Variants in KCNK12 observed in about 807,000 individuals in gnomAD.
KCNK12 encodes the protein potassium two pore domain channel subfamily K member 12, also known as potassium channel subfamily K member 12.
Under a neutral mutation model 25.3 loss-of-function variants are expected in KCNK12, and 6 were observed. The observed-to-expected ratio is 0.24, with a 90% CI of 0.13 to 0.47. The LOEUF (loss-of-function observed/expected upper bound fraction) is 0.47. Among genes scored for constraint, KCNK12 ranks in the 20% least tolerant of loss-of-function variants. KCNK12 has a pLI of 0.99. For missense variants in KCNK12, 444 were observed against 661.7 expected (o/e 0.67, Z 3.61); for synonymous variants, 331 against 311.1 (o/e 1.06, Z -0.67).
chr2:47,547,473 C>G lies in KCNK12; in HGVS notation c.391+22468G>C, dbSNP rs1426257547. Reference sequence around the variant, plus strand: ...TTTCTTTTTGCGTCTGGGTCTGGCTCTATTGCCCAGGCTGGAGTGCAATGG... The same window carrying G: ...TTTCTTTTTGCGTCTGGGTCTGGCTGTATTGCCCAGGCTGGAGTGCAATGG... On this transcript the variant is annotated intron_variant, in intron 1 of 1. Transcript: ENST00000327876. The surrounding 1 kb of genome is among the most constrained non-coding windows in gnomAD (Gnocchi z 5.0). Among the ~76,000 whole-genome samples, 1 of 152,194 alleles carries G rather than the reference C, an allele frequency of 6.6e-6. No individual in the cohort carries two copies. The highest frequency in any genetic ancestry group is 1.5e-5 in the Non-Finnish European group (1 of 68,028).
At chr2:47,526,814 A>G (rs1289478205) in intron 1 of KCNK12, among the ~76,000 whole-genome samples, 1 of 152,242 alleles carries the variant, frequency 6.6e-6, no homozygotes, top group African/African-American at 2.4e-5. Context: ...ATGTTAAGGA[A>G]TCTAAAAGGG....
Position 47,515,623 on chromosome 2 carries a change from T to TG in KCNK12, c.*5283dup, listed in dbSNP as rs891943852. ...TTCTGAGTGGTCATGCTCAACAGGG[T>TG]GGGGAGCCCAGGGGAGTGGGGAGTG... On this transcript the variant is annotated 3_prime_UTR_variant, in exon 2 of 2. Transcript: ENST00000327876. Among the ~76,000 whole-genome samples, 10 of 151,802 alleles carry TG rather than the reference T, an allele frequency of 6.6e-5. No homozygotes were observed. The highest frequency in any genetic ancestry group is 2.4e-4 in the African/African-American group (10 of 41,284).
chr2:47,557,147 C>T lies in KCNK12; in HGVS notation c.391+12794G>A, dbSNP rs989428596. ...GTTTGAATGTCTCCTCCAAAACTTA[C>T]GTTGAAATCCAATGGCTATTGTAAG... On this transcript the variant is annotated intron_variant, in intron 1 of 1. Transcript: ENST00000327876. The surrounding 1 kb of genome is among the most constrained non-coding windows in gnomAD (Gnocchi z 4.9). 1.3e-5 allele frequency among the ~76,000 whole-genome samples: 2 copies of T among 152,176 alleles called. No homozygotes were observed. Among genetic ancestry groups the T allele is most frequent in the Non-Finnish European group, 2.9e-5 (2 of 68,036 alleles).
chr2:47,559,345 C>G (rs1003254948), intron 1 of KCNK12, among the ~76,000 whole-genome samples: 1 of 152,196 alleles, frequency 6.6e-6, no homozygotes, highest in Non-Finnish European at 1.5e-5. Context: ...GGGAGCCCAG[C>G]AGGGAGGCCC....
chr2:47,545,432 G>A (rs1381201536), intron 1 of KCNK12, among the ~76,000 whole-genome samples: 5 of 152,342 alleles, frequency 3.3e-5, no homozygotes, highest in Non-Finnish European at 1.5e-5. Flanking sequence ...AAACCAGGGA[G>A]GCTGCTGTCA....
rs142075196 is a variant in KCNK12, at chr2:47,557,356, A to G, written c.391+12585T>C. On this transcript the variant is annotated intron_variant, in intron 1 of 1. Coordinates refer to ENST00000327876, the MANE Select transcript of KCNK12 (RefSeq NM_022055.2). The surrounding 1 kb of genome is among the most constrained non-coding windows in gnomAD (Gnocchi z 4.9). Reference sequence around the variant, plus strand: ...CCATGTGATGCCTTCCACATGGATGACTCTTGCCAGATGCCAGAGCCCTCT... The same window carrying G: ...CCATGTGATGCCTTCCACATGGATGGCTCTTGCCAGATGCCAGAGCCCTCT... Among the ~76,000 whole-genome samples, 205 of 151,614 alleles carry G rather than the reference A, an allele frequency of 1.4e-3. 2 individuals are homozygous for G. The highest frequency in any genetic ancestry group is 4.6e-3 in the African/African-American group (189 of 41,260).
chr2:47,526,377 G>C (rs1231686336), intron 1 of KCNK12, among the ~76,000 whole-genome samples: 1 of 147,072 alleles, frequency 6.8e-6, no homozygotes, highest in African/African-American at 2.5e-5. Context: ...CTGCACTCCA[G>C]CCTGGGCAAC....
In KCNK12 at chr2:47,520,892, G is replaced by C; in HGVS notation, c.*15C>G. 8.1e-7 allele frequency: 1 copy of C among 1,240,788 alleles called. No individual in the cohort carries two copies. The highest frequency in any genetic ancestry group is 1.0e-6 in the Non-Finnish European group (1 of 992,090). 76.9% of individuals were successfully genotyped at this position (1,240,788 alleles called of 1,614,324 possible). ...GCGGCCTGGAGAGGGTCCCCGGCGC[G>C]GGCGGACGGGCGGTCTACCTGGAGG... is the stretch of plus-strand genomic sequence containing the variant. On this transcript the variant is annotated 3_prime_UTR_variant, in exon 2 of 2. Transcript: ENST00000327876. This position sits in a 1 kb window ranked among gnomAD's most constrained non-coding sequence, Gnocchi z 5.0.
At position 47,570,453 on chromosome 2, in the gene KCNK12, CCGCCTTCGCAGAGCCCCTCGT is replaced by C. The variant is rs965325613; in HGVS notation, c.-143_-123del. The C allele has an allele frequency of 3.4e-5, 36 of 1,046,534 alleles. No individual in the cohort carries two copies. The highest frequency in any genetic ancestry group is 4.1e-5 in the Non-Finnish European group (34 of 831,546). 64.8% of individuals were successfully genotyped at this position (1,046,534 alleles called of 1,614,324 possible). ...TCCGGGGCCGCCGCGGAGCCCCTCG[CCGCCTTCGCAGAGCCCCTCGT>C]CGCCTTCCCAGAGCCCGGACAGAGG... On this transcript the variant is annotated 5_prime_UTR_variant, in exon 1 of 2. Coordinates refer to ENST00000327876, the MANE Select transcript of KCNK12 (RefSeq NM_022055.2).
Position 47,540,232 on chromosome 2 carries a change from G to T in KCNK12, c.392-18424C>A, listed in dbSNP as rs925022377. ...TCTTGGAGAAGATACAAGCAATGGTGCTGAAGTTTCACAACAGTGTCAACC... is the reference window on the plus strand; with the variant it reads ...TCTTGGAGAAGATACAAGCAATGGTTCTGAAGTTTCACAACAGTGTCAACC... On this transcript the variant is annotated intron_variant, in intron 1 of 1. Coordinates refer to ENST00000327876, the MANE Select transcript of KCNK12 (RefSeq NM_022055.2). The surrounding 1 kb of genome is among the most constrained non-coding windows in gnomAD (Gnocchi z 5.4). 1.3e-5 allele frequency among the ~76,000 whole-genome samples: 2 copies of T among 152,220 alleles called. No homozygotes were observed. The highest frequency in any genetic ancestry group is 4.8e-5 in the African/African-American group (2 of 41,460).
intron 1 of KCNK12, among the ~76,000 whole-genome samples, chr2:47,568,865 G>A (rs957729157): frequency 2.0e-4 from 31 of 152,336 alleles, no homozygotes; most frequent in African/African-American, 7.0e-4. Flanking sequence ...GACACACACA[G>A]CCTTGTCAAG....
Position 47,529,232 on chromosome 2 carries a change from G to A in KCNK12, c.392-7424C>T, listed in dbSNP as rs965238273. 3.9e-5 allele frequency: 6 copies of A among 152,146 alleles called. No individual in the cohort carries two copies. Among genetic ancestry groups the A allele is most frequent in the African/African-American group, 1.4e-4 (6 of 41,422 alleles). The allele number at this position is 152,146 out of a possible 1,614,324, so 9.4% of individuals were successfully genotyped here. A position where few individuals can be genotyped will look rare whatever the true frequency, so the allele number is the denominator to read the frequency against. On this transcript the variant is annotated intron_variant, in intron 1 of 1. Coordinates refer to ENST00000327876, the MANE Select transcript of KCNK12 (RefSeq NM_022055.2). This position sits in a 1 kb window ranked among gnomAD's most constrained non-coding sequence, Gnocchi z 4.3. ...ACCCCAGGACAGCATGTATAAACCA[G>A]GGCTGTTCCAAGCAACTGGGACACA...
rs7594890 is a variant in KCNK12 at position 47,569,088 on chromosome 2, G to A, written c.391+853C>T. Among the ~76,000 whole-genome samples the A allele has an allele frequency of 0.54, 82,046 of 151,744 alleles. 22,831 individuals carry two copies. Among genetic ancestry groups the A allele is most frequent in the East Asian group, 0.72 (3,729 of 5,154 alleles). On this transcript the variant is annotated intron_variant, in intron 1 of 1. Transcript: ENST00000327876. The surrounding 1 kb of genome is among the most constrained non-coding windows in gnomAD (Gnocchi z 4.1). ...CAGAGGCAGCAATCTGGCCACAGAG[G>A]GAGGGGTGGGGGCCTGAAGGAGTAT...
At position 47,528,868 on chromosome 2, in the gene KCNK12, C is replaced by G. The variant is rs1000263159; in HGVS notation, c.392-7060G>C. The stretch of plus-strand genomic sequence containing the variant: ...GAGGCCAGCACTGATCTGTATCGTG[C>G]AGCCCTGGGCGGCAGCCTCGGTTGG... On this transcript the variant is annotated intron_variant, in intron 1 of 1. Transcript: ENST00000327876. This position sits in a 1 kb window ranked among gnomAD's most constrained non-coding sequence, Gnocchi z 4.5. Among the ~76,000 whole-genome samples, 12 of 152,284 alleles carry G rather than the reference C, an allele frequency of 7.9e-5. No homozygotes were observed. The highest frequency in any genetic ancestry group is 1.3e-4 in the Non-Finnish European group (9 of 68,038).
Position 47,566,308 on chromosome 2 carries a change from ACAGC to A in KCNK12, c.391+3629_391+3632del, listed in dbSNP as rs1261029145. 6.6e-6 allele frequency: 1 copy of A among 152,162 alleles called. No homozygotes were observed. The highest frequency in any genetic ancestry group is 1.5e-5 in the Non-Finnish European group (1 of 68,034). 9.4% of individuals were successfully genotyped at this position (152,162 alleles called of 1,614,324 possible). A position where few individuals can be genotyped will look rare whatever the true frequency, so the allele number is the denominator to read the frequency against. On this transcript the variant is annotated intron_variant, in intron 1 of 1. Transcript: ENST00000327876. This position sits in a 1 kb window ranked among gnomAD's most constrained non-coding sequence, Gnocchi z 4.1. Reference sequence around the variant, plus strand: ...GTGTTCCATGTAACCTTGAGTACACACAGCCATACCTGAACCTTTCATTACGTCT... The same window carrying A: ...GTGTTCCATGTAACCTTGAGTACACACATACCTGAACCTTTCATTACGTCT...
At position 47,521,117 on chromosome 2, in the gene KCNK12, G is replaced by C; in HGVS notation, c.1083C>G (p.Gly361=). The C allele has an allele frequency of 7.8e-7, 1 of 1,279,864 alleles. No homozygotes were observed. The highest frequency in any genetic ancestry group is 9.9e-7 in the Non-Finnish European group (1 of 1,014,556). 79.3% of individuals were successfully genotyped at this position (1,279,864 alleles called of 1,614,324 possible). A position where few individuals can be genotyped will look rare whatever the true frequency, so the allele number is the denominator to read the frequency against. The change falls in exon 2 of 2, where the codon GGC becomes GGG. Residue 361 remains glycine (G), a synonymous_variant. Coordinates refer to ENST00000327876, the MANE Select transcript of KCNK12 (RefSeq NM_022055.2). ...DPAARDSDAE[G]RRLSGELISM... is the part of the protein sequence containing the mutation. ...AGATGAGCTCGCCCGAGAGGCGGCG[G>C]CCCTCGGCGTCGCTGTCGCGGGCCG...
intron 1 of KCNK12, among the ~76,000 whole-genome samples, chr2:47,567,661 G>A (rs1669810179): frequency 6.6e-6 from 1 of 152,172 alleles, no homozygotes. Flanking sequence ...TCCTCACAGA[G>A]GCCTGGTTCA....
In KCNK12 at chr2:47,512,057, A is replaced by T. The variant is rs541439797; in HGVS notation, c.*8850T>A. Among the ~76,000 whole-genome samples the T allele has an allele frequency of 2.0e-5, 3 of 152,296 alleles. No homozygotes were observed. Among genetic ancestry groups the T allele is most frequent in the African/African-American group, 7.2e-5 (3 of 41,568 alleles). On this transcript the variant is annotated 3_prime_UTR_variant, in exon 2 of 2. Coordinates refer to ENST00000327876, the MANE Select transcript of KCNK12 (RefSeq NM_022055.2). ...GGATCTGGAGCTCATGAAGTTTCTC[A>T]TGGGGTGGGGTATGTGTGTTGAAGC...
Position 47,565,851 on chromosome 2 carries a change from C to T in KCNK12, c.391+4090G>A, listed in dbSNP as rs1272882206. On this transcript the variant is annotated intron_variant, in intron 1 of 1. Coordinates refer to ENST00000327876, the MANE Select transcript of KCNK12 (RefSeq NM_022055.2). This position sits in a 1 kb window ranked among gnomAD's most constrained non-coding sequence, Gnocchi z 5.0. Reference sequence around the variant, plus strand: ...TTATCTTTATCTTTAGGAGTTCATACAATCACAGGAAGTGCAGACAACATG... The same window carrying T: ...TTATCTTTATCTTTAGGAGTTCATATAATCACAGGAAGTGCAGACAACATG... 3 of 152,220 alleles carry T rather than the reference C, an allele frequency of 2.0e-5. No individual in the cohort carries two copies. The highest frequency in any genetic ancestry group is 7.2e-5 in the African/African-American group (3 of 41,450). The allele number at this position is 152,220 out of a possible 1,614,324, so 9.4% of individuals were successfully genotyped here.
Sources: allele counts gnomAD v4.1 joint callset (sites outside exome capture counted in the v4.1 genomes callset), GRCh38; gene constraint gnomAD v4.1.1; non-coding constraint Gnocchi (gnomAD v3.1); transcripts MANE v1.5; gene names NCBI Gene and HGNC (gene_info 2026-07-23, HGNC 2026-07-21).